The following IPO11 variants were observed in gnomAD, a reference collection of about 807,000 sequenced individuals.
IPO11 encodes importin 11.
IPO11 carries 66 observed loss-of-function variants against 143.2 expected under a neutral mutation model. That is an observed-to-expected ratio of 0.46 (90% CI 0.38 to 0.57). IPO11 has a LOEUF of 0.57. IPO11 is among the 20% of genes least tolerant of loss of function. The pLI is 0.00. For missense variants in IPO11, 1,026 were observed against 1,141.0 expected (o/e 0.90, Z 1.45); for synonymous variants, 385 against 377.8 (o/e 1.02, Z -0.22).
intron 19 of IPO11, among the ~76,000 whole-genome samples, chr5:62,510,939 G>T (rs1456091415): frequency 1.3e-5 from 2 of 152,066 alleles, no homozygotes; most frequent in Non-Finnish European, 2.9e-5. Flanking sequence ...CACCATGTTG[G>T]CCAGGCTGGT....
Position 62,483,099 on chromosome 5 carries a change from A to G in IPO11, c.829-2A>G. 6.5e-7 allele frequency: 1 copy of G among 1,544,838 alleles called. No individual in the cohort carries two copies. The highest frequency in any genetic ancestry group is 8.8e-7 in the Non-Finnish European group (1 of 1,134,986). On this transcript the variant is annotated splice_acceptor_variant, in intron 9 of 29. Transcript: ENST00000325324. LOFTEE classifies it high-confidence loss of function. ...AATTTTTATTTATTTATTTTTCTAC[A>G]GCTTTTGGACTTCTTGGATCAGCAT...
At chr5:62,463,089 T>C (rs1292740464) in intron 5 of IPO11, among the ~76,000 whole-genome samples, 2 of 152,138 alleles carry the variant, frequency 1.3e-5, no homozygotes, top group African/African-American at 4.8e-5. Context: ...TTGTCCTGGC[T>C]GGAGTGCTGT....
rs191070867 is a variant in IPO11 at position 62,425,090 on chromosome 5, C to T, written c.-7+12161C>T. ...ATCTCATCTTTCTCGCATTGCATTA[C>T]TCTCTAGGCTCCCATTCATTTCTTT... is the stretch of plus-strand genomic sequence containing the variant. On this transcript the variant is annotated intron_variant, in intron 1 of 29. Coordinates refer to ENST00000325324, the MANE Select transcript of IPO11 (RefSeq NM_016338.5). Among the ~76,000 whole-genome samples the T allele has an allele frequency of 1.8e-3, 271 of 152,212 alleles. 1 individual carries two copies. Among genetic ancestry groups the T allele is most frequent in the Admixed American group, 4.2e-3 (64 of 15,274 alleles).
At chr5:62,592,637 T>C (rs1745067064) in intron 28 of IPO11, among the ~76,000 whole-genome samples, 1 of 152,162 alleles carries the variant, frequency 6.6e-6, no homozygotes, top group Non-Finnish European at 1.5e-5. Flanking sequence ...GGAAAGAGGT[T>C]TAATTTAACT....
chr5:62,609,012 A>C (rs1745834590), intron 29 of IPO11, among the ~76,000 whole-genome samples: 1 of 152,140 alleles, frequency 6.6e-6, no homozygotes, highest in African/African-American at 2.4e-5. Context: ...GTGTAGCCTC[A>C]TATGATTTTT....
At position 62,479,621 on chromosome 5, in the gene IPO11, G is replaced by A. The variant is rs559017032; in HGVS notation, c.828+2868G>A. ...CCTGTTGTTTCCTGACTTTTTAATG[G>A]TCGCCATTCTAACTGGTGTGAGATG... On this transcript the variant is annotated intron_variant, in intron 9 of 29. Transcript: ENST00000325324. Among the ~76,000 whole-genome samples the A allele has an allele frequency of 5.9e-5, 9 of 152,050 alleles. No individual in the cohort carries two copies. In the East Asian group the frequency reaches 9.7e-4, roughly 16 times the overall value.
At chr5:62,518,253 G>C (rs768818083) in intron 20 of IPO11, among the ~76,000 whole-genome samples, 1 of 151,994 alleles carries the variant, frequency 6.6e-6, no homozygotes, top group Non-Finnish European at 1.5e-5. Context: ...AGACCATCCT[G>C]GCCAACATGG....
chr5:62,425,798 T>C (rs1338009111), intron 1 of IPO11, among the ~76,000 whole-genome samples: 1 of 152,208 alleles, frequency 6.6e-6, no homozygotes, highest in African/African-American at 2.4e-5. Context: ...ACACAATATA[T>C]AGAAGTGTAT....
At chr5:62,483,916 C>T in intron 10 of IPO11, 94 bp from the exon 11 acceptor site, 1 of 1,046,590 alleles carries the variant, frequency 9.6e-7, no homozygotes, top group South Asian at 1.5e-5. Flanking sequence ...TATCTTCTTC[C>T]CTGAGAGTGT....
chr5:62,521,868 A>G (rs1304606537), intron 20 of IPO11, among the ~76,000 whole-genome samples: 2 of 151,850 alleles, frequency 1.3e-5, no homozygotes, highest in East Asian at 1.9e-4. Flanking sequence ...GTTTTCCTGA[A>G]TAATTCTTTT....
chr5:62,569,070 T>C (rs1267869955), intron 27 of IPO11, among the ~76,000 whole-genome samples: 1 of 152,036 alleles, frequency 6.6e-6, no homozygotes, highest in Admixed American at 6.5e-5. Flanking sequence ...TTCCCTCATA[T>C]GGAAGGAATT....
chr5:62,473,596 TA>T (rs1745858175), intron 7 of IPO11, among the ~76,000 whole-genome samples: 1 of 152,144 alleles, frequency 6.6e-6, no homozygotes. Flanking sequence ...TAGAGTTAAT[TA>T]TTTTCCAGGA....
At chr5:62,424,214 A>C (rs950158167) in intron 1 of IPO11, among the ~76,000 whole-genome samples, 1 of 151,066 alleles carries the variant, frequency 6.6e-6, no homozygotes, top group Non-Finnish European at 1.5e-5. Context: ...ATCCGAGCTC[A>C]CTGCAAGCTC....
intron 20 of IPO11, among the ~76,000 whole-genome samples, chr5:62,516,798 G>A (rs1255669921): frequency 2.0e-5 from 3 of 151,712 alleles, no homozygotes; most frequent in African/African-American, 2.4e-5. Context: ...CATTCATAAT[G>A]TTCAACTGTC....
At chr5:62,626,883 A>G (rs550027368) in intron 29 of IPO11, among the ~76,000 whole-genome samples, 1 of 152,254 alleles carries the variant, frequency 6.6e-6, no homozygotes, top group Admixed American at 6.5e-5. Context: ...CTAGGCTTTG[A>G]TGCTTTAAAT....
At chr5:62,438,089 A>G (rs1015827022) in intron 2 of IPO11, among the ~76,000 whole-genome samples, 2 of 152,168 alleles carry the variant, frequency 1.3e-5, no homozygotes, top group African/African-American at 4.8e-5. Flanking sequence ...CAGGGCAACA[A>G]AGCTCCCCGT....
chr5:62,555,517 T>TATTC (rs1195152446), intron 26 of IPO11, among the ~76,000 whole-genome samples: 2 of 150,822 alleles, frequency 1.3e-5, no homozygotes, highest in African/African-American at 4.9e-5. Context: ...TTTATTTATT[T>TATTC]ATTTGAGACA....
At chr5:62,540,860 A>G (rs764925413) in intron 24 of IPO11, among the ~76,000 whole-genome samples, 8 of 152,140 alleles carry the variant, frequency 5.3e-5, no homozygotes, top group African/African-American at 9.7e-5. Flanking sequence ...TAGTCTCTCT[A>G]TGGGGGGAAA....
rs1457397777 is a variant in IPO11 at position 62,522,227 on chromosome 5, A to G, written c.1897-3915A>G. 3.9e-5 allele frequency among the ~76,000 whole-genome samples: 6 copies of G among 151,994 alleles called. No homozygotes were observed. The East Asian group carries it at 7.7e-4, about 20-fold the overall frequency. On this transcript the variant is annotated intron_variant, in intron 20 of 29. Transcript: ENST00000325324. ...CTGTATAAATTTAGGAGCGGACACT[A>G]AAAAGCTGAGTGGAGGGATTGTGTG...
Sources: allele counts gnomAD v4.1 joint callset (sites outside exome capture counted in the v4.1 genomes callset), GRCh38; gene constraint gnomAD v4.1.1; transcripts MANE v1.5; gene names NCBI Gene and HGNC (gene_info 2026-07-23, HGNC 2026-07-21).